The following ASMT variants were observed in gnomAD, a reference collection of about 807,000 sequenced individuals.
ASMT encodes the protein acetylserotonin N-methyltransferase.
In ASMT, 53 loss-of-function variants were observed where a neutral mutation model predicts 41.3. That is an observed-to-expected ratio of 1.28 (90% CI 1.03 to 1.61). ASMT has a LOEUF of 1.61. ASMT is among the 40% of genes most tolerant of loss of function. The probability of loss-of-function intolerance (pLI) is 0.00; values close to 1 mark genes in which losing one functional copy is unlikely to be tolerated. For missense variants in ASMT, 531 were observed against 441.3 expected (o/e 1.20, Z -1.82); for synonymous variants, 231 against 184.8 (o/e 1.25, Z -2.03).
chrX:1,626,752 G>A (rs186094191), intron 3 of ASMT, among the ~76,000 whole-genome samples: 1 of 152,340 alleles, frequency 6.6e-6, no homozygotes, highest in Non-Finnish European at 1.5e-5. Context: ...AGCTGGCCAG[G>A]CGCGGTGGCT....
chrX:1,625,109 T>TTC (rs1556098935), intron 3 of ASMT, among the ~76,000 whole-genome samples: 1 of 41,602 alleles, frequency 2.4e-5, no homozygotes, highest in Non-Finnish European at 4.6e-5. Context: ...CTTTTCTTTC[T>TTC]TTTTTTTTTT....
Position 1,615,279 on chromosome X carries a change from C to T in ASMT, c.69+11C>T, listed in dbSNP as rs765906569. 2 of 1,584,738 alleles carry T rather than the reference C, an allele frequency of 1.3e-6. No homozygotes were observed. The highest frequency in any genetic ancestry group is 1.8e-5 in the Admixed American group (1 of 55,122). On this transcript the variant is annotated intron_variant, in intron 1 of 8. Coordinates refer to ENST00000381241, the MANE Select transcript of ASMT (RefSeq NM_001171038.2). ...TTCATGGTGTCCCAGGTAGGATACG[C>T]TCTGTGGGACAAGGGGGAATAGACT...
At chrX:1,619,711 G>A (rs1489415935) in intron 1 of ASMT, among the ~76,000 whole-genome samples, 20 of 151,260 alleles carry the variant, frequency 1.3e-4, no homozygotes, top group African/African-American at 4.8e-4. Context: ...TTTAATATAT[G>A]CCCTTAAAAG....
At chrX:1,616,955 G>T (rs758339323) in intron 1 of ASMT, among the ~76,000 whole-genome samples, 6 of 151,814 alleles carry the variant, frequency 4.0e-5, no homozygotes, top group South Asian at 2.1e-4. Flanking sequence ...TGATCCGCCC[G>T]CCTCGGCCTC....
In ASMT at chrX:1,636,543, A is replaced by G; in HGVS notation, c.893A>G (p.Tyr298Cys). ...GKCSHLLERIYHTCKPGGGIL... is the reference protein window; with the variant it reads ...GKCSHLLERICHTCKPGGGIL... ...TGCTCACACCTGCTGGAGAGGATCTACCACACTTGCAAGCCAGGTAAGTTG... is the reference window on the plus strand; with the variant it reads ...TGCTCACACCTGCTGGAGAGGATCTGCCACACTTGCAAGCCAGGTAAGTTG... Residue 298 changes from tyrosine to cysteine, a missense_variant, in exon 8 of 9, where the codon TAC becomes TGC. Coordinates refer to ENST00000381241, the MANE Select transcript of ASMT (RefSeq NM_001171038.2). The G allele has an allele frequency of 6.2e-7, 1 of 1,612,860 alleles. No homozygotes were observed. Among genetic ancestry groups the G allele is most frequent in the Non-Finnish European group, 8.5e-7 (1 of 1,179,722 alleles).
chrX:1,627,863 A>G (rs1308187487), intron 4 of ASMT, 92 bp downstream of exon 4: 3 of 1,193,986 alleles, frequency 2.5e-6, no homozygotes, highest in Non-Finnish European at 3.8e-6. Flanking sequence ...CTCAAATGGC[A>G]CAACCCAGGA....
chrX:1,631,726 T>C (rs189113158), intron 5 of ASMT, among the ~76,000 whole-genome samples: 2 of 150,320 alleles, frequency 1.3e-5, no homozygotes, highest in East Asian at 4.0e-4. Context: ...ATCAGCCTGG[T>C]CAACATGGTG....
intron 1 of ASMT, among the ~76,000 whole-genome samples, chrX:1,616,802 A>G (rs182852902): frequency 0.016 from 2,370 of 148,010 alleles, 62 homozygotes; most frequent in African/African-American, 0.053. Context: ...TCCACCTCCC[A>G]GGTTCACGCC....
At chrX:1,617,156 G>C (rs1409406477) in intron 1 of ASMT, among the ~76,000 whole-genome samples, 7 of 150,264 alleles carry the variant, frequency 4.7e-5, no homozygotes, top group East Asian at 2.0e-4. Context: ...CTGGATGACA[G>C]AGCAATACTG....
intron 7 of ASMT, among the ~76,000 whole-genome samples, chrX:1,634,917 G>A (rs1368974496): frequency 7.3e-5 from 11 of 151,352 alleles, no homozygotes; most frequent in South Asian, 2.1e-4. Flanking sequence ...CACCTGCCTC[G>A]GCCTCCCAAA....
In ASMT at chrX:1,637,145, G is replaced by A. The variant is rs753273829; in HGVS notation, c.910+585G>A. ...ACCCATCCTGATGCTTCACGAGGAC[G>A]TGGGCACAGCCTCTGTGTATGATGG... On this transcript the variant is annotated intron_variant, in intron 8 of 8. Transcript: ENST00000381241. 3.8e-3 allele frequency among the ~76,000 whole-genome samples: 349 copies of A among 91,430 alleles called. 22 individuals carry two copies. Among genetic ancestry groups the A allele is most frequent in the African/African-American group, 0.016 (316 of 20,108 alleles). The allele number at this position is 91,430 out of a possible 152,430, so 60.0% of individuals were successfully genotyped here. A position where few individuals can be genotyped will look rare whatever the true frequency, so the allele number is the denominator to read the frequency against.
At chrX:1,616,790 G>C (rs765935497) in intron 1 of ASMT, among the ~76,000 whole-genome samples, 34 of 150,126 alleles carry the variant, frequency 2.3e-4, no homozygotes, top group South Asian at 4.2e-4. Flanking sequence ...CTCACTGCAA[G>C]CTCCACCTCC....
intron 1 of ASMT, among the ~76,000 whole-genome samples, chrX:1,616,500 A>G (rs1934116438): frequency 6.6e-6 from 1 of 151,122 alleles, no homozygotes; most frequent in African/African-American, 2.4e-5. Context: ...GGGTGATGCA[A>G]ATGTTCTGGA....
chrX:1,616,882 G>C (rs1370475770), intron 1 of ASMT, among the ~76,000 whole-genome samples: 2 of 151,684 alleles, frequency 1.3e-5, no homozygotes, highest in African/African-American at 2.4e-5. Flanking sequence ...CTAATTTTTT[G>C]TATTTTTAGT....
rs1306405076 is a variant in ASMT at position 1,628,270 on chromosome X, G to A, written c.443+499G>A. Among the ~76,000 whole-genome samples, 247 of 152,306 alleles carry A rather than the reference G, an allele frequency of 1.6e-3. 2 individuals are homozygous for A. The highest frequency in any genetic ancestry group is 5.2e-3 in the African/African-American group (215 of 41,570). On this transcript the variant is annotated intron_variant, in intron 4 of 8. Coordinates refer to ENST00000381241, the MANE Select transcript of ASMT (RefSeq NM_001171038.2). ...CGGGAGGCGGAGGTTGCGGTGATCT[G>A]AGATCGCACCACTGCACTCCAGCCT...
chrX:1,616,757 G>A (rs1341473387), intron 1 of ASMT, among the ~76,000 whole-genome samples: 2 of 149,538 alleles, frequency 1.3e-5, no homozygotes, highest in African/African-American at 2.4e-5. Flanking sequence ...CGCCCAGGCT[G>A]GAGTGCAATG....
At chrX:1,619,560 T>TA (rs1934262390) in intron 1 of ASMT, among the ~76,000 whole-genome samples, 1 of 136,580 alleles carries the variant, frequency 7.3e-6, no homozygotes. Flanking sequence ...ATAATAATAA[T>TA]AATAATAATA....
chrX:1,631,420 AGGGCTGTCACACTCC>A (rs1301123788), intron 5 of ASMT, among the ~76,000 whole-genome samples: 7 of 150,950 alleles, frequency 4.6e-5, no homozygotes, highest in Non-Finnish European at 1.0e-4. Flanking sequence ...TCTACCCCAT[AGGGCTGTCACACTCC>A]AGGCCGTGAT....
chrX:1,630,609 T>G (rs1478566146), intron 5 of ASMT, among the ~76,000 whole-genome samples: 2 of 151,926 alleles, frequency 1.3e-5, no homozygotes, highest in African/African-American at 2.4e-5. Context: ...CAGGCTCGAG[T>G]GCAATGGTGT....
Sources: gnomAD v4.1 joint callset for allele counts (sites outside exome capture counted in the v4.1 genomes callset) on GRCh38, gnomAD v4.1.1 for gene constraint, MANE v1.5 for transcripts, NCBI Gene and HGNC (gene_info 2026-07-23, HGNC 2026-07-21) for gene names.